Variants in STK24 observed in about 807,000 individuals in gnomAD.
The protein encoded by STK24 is serine/threonine kinase 24.
STK24 carries 21 observed loss-of-function variants against 55.6 expected under a neutral mutation model. The observed-to-expected ratio is 0.38, with a 90% CI of 0.27 to 0.54. The LOEUF is 0.54. Among genes scored for constraint, STK24 ranks in the 20% least tolerant of loss-of-function variants. The pLI, the probability that STK24 is intolerant of heterozygous loss-of-function variation, is 0.79. For missense variants in STK24, 383 were observed against 538.4 expected (o/e 0.71, Z 2.86); for synonymous variants, 200 against 215.2 (o/e 0.93, Z 0.62).
intron 1 of STK24, among the ~76,000 whole-genome samples, chr13:98,565,014 A>T (rs958931786): frequency 1.6e-4 from 24 of 152,208 alleles, no homozygotes; most frequent in African/African-American, 5.8e-4. Context: ...TCCCAAAGTT[A>T]GGTCAGCGGT....
chr13:98,568,793 G>C (rs568275668), intron 1 of STK24, among the ~76,000 whole-genome samples: 1 of 152,034 alleles, frequency 6.6e-6, no homozygotes, highest in South Asian at 2.1e-4. Context: ...ACTGGAACCT[G>C]GGGGGGCAGA....
chr13:98,570,439 C>T (rs1360876588), intron 1 of STK24, among the ~76,000 whole-genome samples: 3 of 152,166 alleles, frequency 2.0e-5, no homozygotes, highest in Non-Finnish European at 2.9e-5. Context: ...TCTTAAAAAA[C>T]AGGAAGAGAC....
chr13:98,556,349 C>G (rs1273636556), intron 1 of STK24, among the ~76,000 whole-genome samples: 1 of 152,242 alleles, frequency 6.6e-6, no homozygotes, highest in Admixed American at 6.5e-5. Context: ...GTGCTGCGGG[C>G]AGCCGCCTTT....
At chr13:98,510,457 T>A (rs1400985148) in intron 2 of STK24, among the ~76,000 whole-genome samples, 1 of 151,976 alleles carries the variant, frequency 6.6e-6, no homozygotes, top group Non-Finnish European at 1.5e-5. Context: ...GGAAAACATA[T>A]CCACACAAAA....
intron 2 of STK24, among the ~76,000 whole-genome samples, chr13:98,514,036 G>C (rs1895972626): frequency 6.6e-6 from 1 of 152,232 alleles, no homozygotes; most frequent in Non-Finnish European, 1.5e-5. Context: ...TCATCATGTA[G>C]CTAGACTGGT....
intron 2 of STK24, among the ~76,000 whole-genome samples, chr13:98,512,976 G>A (rs1415894340): frequency 2.0e-5 from 3 of 152,222 alleles, no homozygotes; most frequent in Admixed American, 6.5e-5. Flanking sequence ...ATCAGTCCCT[G>A]CTGCGAACCG....
At chr13:98,512,089 T>G (rs529250172) in intron 2 of STK24, among the ~76,000 whole-genome samples, 1 of 152,090 alleles carries the variant, frequency 6.6e-6, no homozygotes, top group Non-Finnish European at 1.5e-5. Flanking sequence ...GGTTTCCCCA[T>G]GTTGGCCAGG....
intron 5 of STK24, among the ~76,000 whole-genome samples, chr13:98,472,343 C>T (rs375356228): frequency 6.6e-6 from 1 of 152,156 alleles, no homozygotes; most frequent in Non-Finnish European, 1.5e-5. Flanking sequence ...AGAGTTGGAA[C>T]TGGAACTCTG....
At chr13:98,566,908 A>G (rs1897588739) in intron 1 of STK24, among the ~76,000 whole-genome samples, 1 of 152,246 alleles carries the variant, frequency 6.6e-6, no homozygotes, top group South Asian at 2.1e-4. Context: ...TCTGGAGTTC[A>G]AGTGGCAGTT....
Position 98,448,367 on chromosome 13 carries a change from C to G in STK24, c.*4806G>C, listed in dbSNP as rs762228137. 6.4e-6 allele frequency: 9 copies of G among 1,398,868 alleles called. No homozygotes were observed. The highest frequency in any genetic ancestry group is 9.2e-6 in the Non-Finnish European group (9 of 983,572). 86.7% of individuals were successfully genotyped at this position (1,398,868 alleles called of 1,614,324 possible). A position where few individuals can be genotyped will look rare whatever the true frequency, so the allele number is the denominator to read the frequency against. ...GTGGCTGCTTTCCTGGAAGACGTTT[C>G]CTTTCTTCTGTATTAATGAAGCCTG... is the stretch of plus-strand genomic sequence containing the variant. On this transcript the variant is annotated 3_prime_UTR_variant, in exon 11 of 11. Transcript: ENST00000539966.
At chr13:98,458,961 T>C (rs558784916) in intron 9 of STK24, among the ~76,000 whole-genome samples, 151 of 152,348 alleles carry the variant, frequency 9.9e-4, no homozygotes, top group Middle Eastern at 6.8e-3. Context: ...TTGGGAAAGA[T>C]GCCTGTGAGT....
intron 7 of STK24, among the ~76,000 whole-genome samples, chr13:98,463,391 G>A (rs1893793600): frequency 2.0e-5 from 3 of 152,278 alleles, no homozygotes; most frequent in South Asian, 4.1e-4. Context: ...TTACAAACAG[G>A]AAGTTTAATG....
Position 98,538,984 on chromosome 13 carries a change from G to T in STK24, c.43-19511C>A, listed in dbSNP as rs563708559. On this transcript the variant is annotated intron_variant, in intron 1 of 10. Transcript: ENST00000539966. ...GAGACACAGGAGTCAGGGCTGGTGG[G>T]GAGGGGGACACAGAAAGGAAAGGGC... 4.6e-5 allele frequency among the ~76,000 whole-genome samples: 7 copies of T among 152,308 alleles called. No homozygotes were observed. In the South Asian group the frequency reaches 1.4e-3, roughly 32 times the overall value.
At chr13:98,470,160 G>GT (rs893145306) in intron 5 of STK24, among the ~76,000 whole-genome samples, 2 of 152,148 alleles carry the variant, frequency 1.3e-5, no homozygotes, top group South Asian at 4.1e-4. Context: ...TGTGTCTGAG[G>GT]TTTTTTTGTG....
At chr13:98,567,415 T>G (rs1260224486) in intron 1 of STK24, among the ~76,000 whole-genome samples, 1 of 152,020 alleles carries the variant, frequency 6.6e-6, no homozygotes, top group Non-Finnish European at 1.5e-5. Flanking sequence ...GACCAGGGGG[T>G]TGGAACCCCA....
chr13:98,543,549 G>A (rs560146823), intron 1 of STK24, among the ~76,000 whole-genome samples: 1 of 152,332 alleles, frequency 6.6e-6, no homozygotes, highest in East Asian at 1.9e-4. Flanking sequence ...AGCAGCAGGT[G>A]AGGCCAGGGT....
intron 1 of STK24, among the ~76,000 whole-genome samples, chr13:98,549,724 G>C (rs1191360671): frequency 6.6e-6 from 1 of 152,134 alleles, no homozygotes; most frequent in Non-Finnish European, 1.5e-5. Context: ...AGAACCATAA[G>C]CCAACTAAAC....
intron 1 of STK24, among the ~76,000 whole-genome samples, chr13:98,572,689 G>C (rs1897773821): frequency 6.6e-6 from 1 of 151,790 alleles, no homozygotes; most frequent in Non-Finnish European, 1.5e-5. Flanking sequence ...AAAACAGAAG[G>C]GGAACGAGGG....
chr13:98,540,135 G>A (rs904697915), intron 1 of STK24, among the ~76,000 whole-genome samples: 2 of 152,158 alleles, frequency 1.3e-5, no homozygotes, highest in African/African-American at 4.8e-5. Context: ...CTGTGTGATC[G>A]ACTTACATGA....
Sources: gnomAD v4.1 joint callset for allele counts (sites outside exome capture counted in the v4.1 genomes callset) on GRCh38, gnomAD v4.1.1 for gene constraint, MANE v1.5 for transcripts, NCBI Gene and HGNC (gene_info 2026-07-23, HGNC 2026-07-21) for gene names.